GEN1: variants seen among roughly 807,000 people sequenced by gnomAD.
The protein encoded by GEN1 is flap endonuclease GEN homolog 1.
GEN1 carries 64 observed loss-of-function variants against 67.6 expected under a neutral mutation model. That is an observed-to-expected ratio of 0.95 (90% CI 0.77 to 1.17). The LOEUF (loss-of-function observed/expected upper bound fraction) is 1.17, where lower values mean the gene tolerates loss of function less well. GEN1 is among the 50% of genes most tolerant of loss of function. The probability of loss-of-function intolerance (pLI) is 0.00; values close to 1 mark genes in which losing one functional copy is unlikely to be tolerated. For missense variants in GEN1, 1,058 were observed against 1,048.3 expected, an observed-to-expected ratio of 1.01 and a Z score of -0.13; for synonymous variants, 371 against 359.4, an observed-to-expected ratio of 1.03 and a Z score of -0.37.
At chr2:17,759,675 ATGATT>A (rs1043278422) in intron 1 of GEN1, among the ~76,000 whole-genome samples, 2 of 152,114 alleles carry the variant, frequency 1.3e-5, no homozygotes, top group Non-Finnish European at 2.9e-5. Flanking sequence ...GTAGACAAAA[ATGATT>A]TACAGCATCC....
At position 17,773,080 on chromosome 2, in the gene GEN1, A is replaced by G. The variant is rs1043024223; in HGVS notation, c.954-16A>G. ...GTCTGATTATAGTAATAACATGTAT[A>G]TAATTTTTTTTTCAGGAAAGCTTGC... is the stretch of plus-strand genomic sequence containing the variant. On this transcript the variant is annotated splice_polypyrimidine_tract_variant and intron_variant, in intron 8 of 13. Transcript: ENST00000381254. The G allele has an allele frequency of 1.3e-6, 2 of 1,522,504 alleles. No individual in the cohort carries two copies. The highest frequency in any genetic ancestry group is 1.8e-6 in the Non-Finnish European group (2 of 1,100,836). 94.3% of individuals were successfully genotyped at this position (1,522,504 alleles called of 1,614,324 possible). A position where few individuals can be genotyped will look rare whatever the true frequency, so the allele number is the denominator to read the frequency against.
rs7556983 is a variant in GEN1 at position 17,773,988 on chromosome 2, G to A, written c.1072-283G>A. 0.18 allele frequency among the ~76,000 whole-genome samples: 26,940 copies of A among 151,970 alleles called. 3,385 individuals are homozygous for A. Among genetic ancestry groups the A allele is most frequent in the African/African-American group, 0.37 (15,134 of 41,414 alleles). On this transcript the variant is annotated intron_variant, in intron 10 of 13. Transcript: ENST00000381254. ...ATCTTTGTAATCTGTGAAGTGGGTT[G>A]TAATATTTTCACATTACAGATGGTA...
At position 17,782,936 on chromosome 2, in the gene GEN1, G is replaced by A. The variant is rs1429499076; in HGVS notation, c.*997G>A. 6.6e-6 allele frequency: 1 copy of A among 152,174 alleles called. No individual in the cohort carries two copies. The highest frequency in any genetic ancestry group is 1.9e-4 in the East Asian group (1 of 5,202). The allele number at this position is 152,174 out of a possible 1,614,324, so 9.4% of individuals were successfully genotyped here. A position where few individuals can be genotyped will look rare whatever the true frequency, so the allele number is the denominator to read the frequency against. On this transcript the variant is annotated 3_prime_UTR_variant, in exon 14 of 14. Coordinates refer to ENST00000381254, the MANE Select transcript of GEN1 (RefSeq NM_001130009.3). Reference sequence around the variant, plus strand: ...GAAAAGGAAAATGGTGTCTGCAGATGACAAGATTGTATGCATCAAAAATTC... The same window carrying A: ...GAAAAGGAAAATGGTGTCTGCAGATAACAAGATTGTATGCATCAAAAATTC...
intron 8 of GEN1, 86 bp from the exon 9 acceptor site, chr2:17,773,009 AT>A (rs1672265822): frequency 2.2e-6 from 2 of 911,128 alleles, no homozygotes; most frequent in Admixed American, 4.5e-5. Context: ...CACATTTCTT[AT>A]TAAATGGGAG....
chr2:17,756,006 A>G (rs1671417950), intron 1 of GEN1, among the ~76,000 whole-genome samples: 1 of 152,192 alleles, frequency 6.6e-6, no homozygotes, highest in Admixed American at 6.5e-5. Context: ...TTTCTATTAT[A>G]CCAAGCAATA....
upstream of GEN1, chr2:17,753,773 G>C (rs990484790): frequency 1.3e-5 from 2 of 152,274 alleles, no homozygotes; most frequent in African/African-American, 2.4e-5. Flanking sequence ...GGAGAAGGTA[G>C]ATTCCCGGGA....
rs764420576 is a variant in GEN1, at chr2:17,781,214, T to A, written c.2002T>A (p.Cys668Ser). Residue 668 changes from cysteine (C) to serine (S), a missense_variant, in exon 14 of 14, where the codon TGT (cysteine) becomes AGT (serine). By Grantham distance (112) the Cys-to-Ser change is moderately radical (BLOSUM62 -1). Coordinates refer to ENST00000381254, the MANE Select transcript of GEN1 (RefSeq NM_001130009.3). ...TCTACTTTCTGGCATTACTGATTTATGTCTTCAGGATTTGCCTTTAAAGGA... is the reference window on the plus strand; with the variant it reads ...TCTACTTTCTGGCATTACTGATTTAAGTCTTCAGGATTTGCCTTTAAAGGA... ...EHLLSGITDL[C>S]LQDLPLKERI... 4 of 1,613,646 alleles carry A rather than the reference T, an allele frequency of 2.5e-6. No homozygotes were observed. In the South Asian group the frequency reaches 4.4e-5, roughly 18 times the overall value.
intron 2 of GEN1, among the ~76,000 whole-genome samples, chr2:17,760,879 A>C (rs1671642381): frequency 6.7e-6 from 1 of 149,918 alleles, no homozygotes; most frequent in African/African-American, 2.5e-5. Context: ...CCGAGATCAC[A>C]CCACTGCACT....
rs1672788934 is a variant in GEN1, at chr2:17,780,796, CT to C, written c.1586del (p.Leu529CysfsTer10). On this transcript the variant is annotated frameshift_variant, in exon 14 of 14. Transcript: ENST00000381254. LOFTEE classifies it low-confidence loss of function (END_TRUNC). ...AATCTATTTCTGCCTCATTGAATAG[CT>C]TGCTTTTACCTAAAAATACTCCATG... ...QESISASLNSLLLPKNTPCLN... is the reference protein window; with the variant it reads ...QESISASLNSXLLPKNTPCLN... The C allele has an allele frequency of 6.2e-7, 1 of 1,613,828 alleles. No individual in the cohort carries two copies. Among genetic ancestry groups the C allele is most frequent in the African/African-American group, 1.3e-5 (1 of 74,932 alleles).
At chr2:17,773,373 T>A (rs1309749779) in intron 10 of GEN1, 74 bp downstream of exon 10, 1 of 919,332 alleles carries the variant, frequency 1.1e-6, no homozygotes, top group African/African-American at 1.7e-5. Context: ...TTCACTCTGA[T>A]TGGTCTTAGA....
chr2:17,754,953 A>G (rs1390786343), intron 1 of GEN1: 2 of 152,206 alleles, frequency 1.3e-5, no homozygotes, highest in Non-Finnish European at 2.9e-5. Flanking sequence ...TGACCTAACA[A>G]GTAACCTACT....
chr2:17,773,491 G>C (rs1369273690), intron 10 of GEN1, among the ~76,000 whole-genome samples, 192 bp downstream of exon 10: 3 of 152,022 alleles, frequency 2.0e-5, no homozygotes, highest in African/African-American at 7.2e-5. Context: ...ACAAAGTATA[G>C]TTATGCTGTT....
chr2:17,758,011 G>T (rs956793939), intron 1 of GEN1, among the ~76,000 whole-genome samples: 1 of 151,990 alleles, frequency 6.6e-6, no homozygotes, highest in Non-Finnish European at 1.5e-5. Flanking sequence ...TTAAAAGTTG[G>T]GTCAGTTTTT....
intron 4 of GEN1, among the ~76,000 whole-genome samples, chr2:17,765,555 G>A (rs1190709348): frequency 1.3e-5 from 2 of 152,180 alleles, no homozygotes; most frequent in African/African-American, 4.8e-5. Flanking sequence ...GAGACATTTT[G>A]GTTGCAACAG....
Position 17,778,320 on chromosome 2 carries a change from ACACGTG to A in GEN1, c.1264+258_1264+263del, listed in dbSNP as rs1558409339. 3.8e-4 allele frequency among the ~76,000 whole-genome samples: 17 copies of A among 44,394 alleles called. 2 individuals carry two copies. The highest frequency in any genetic ancestry group is 1.1e-3 in the African/African-American group (16 of 14,064). The allele number at this position is 44,394 out of a possible 152,430, so 29.1% of individuals were successfully genotyped here. ...TGTGTACATATATGTATATACACAC[ACACGTG>A]TACATATATGTATACACACACATGT... is the stretch of plus-strand genomic sequence containing the variant. On this transcript the variant is annotated intron_variant, in intron 12 of 13. Coordinates refer to ENST00000381254, the MANE Select transcript of GEN1 (RefSeq NM_001130009.3).
At chr2:17,772,116 C>T (rs1037464884) in intron 7 of GEN1, among the ~76,000 whole-genome samples, 1 of 151,912 alleles carries the variant, frequency 6.6e-6, no homozygotes, top group Non-Finnish European at 1.5e-5. Flanking sequence ...ATTTCCACAC[C>T]CGTGCCACAG....
chr2:17,762,506 C>CT (rs918924882), intron 3 of GEN1, among the ~76,000 whole-genome samples: 2 of 151,948 alleles, frequency 1.3e-5, no homozygotes, highest in African/African-American at 4.8e-5. Flanking sequence ...TGTGCCTGGC[C>CT]TTTTTTGTCT....
chr2:17,781,064 C>T lies in GEN1; in HGVS notation c.1852C>T (p.Leu618=). The T allele has an allele frequency of 2.5e-6, 4 of 1,613,572 alleles. No homozygotes were observed. Among genetic ancestry groups the T allele is most frequent in the Non-Finnish European group, 3.4e-6 (4 of 1,179,548 alleles). The change falls in exon 14 of 14, where the codon CTA becomes TTA. Residue 618 remains leucine, a synonymous_variant. Transcript: ENST00000381254. ...HDLKSEVESE[L]SAIPDGFENI... ...TTTAAAATCAGAAGTTGAATCAGAG[C>T]TATCAGCCATCCCTGATGGCTTTGA...
intron 12 of GEN1, among the ~76,000 whole-genome samples, chr2:17,779,604 G>T (rs1266387258): frequency 6.6e-6 from 1 of 151,478 alleles, no homozygotes; most frequent in Non-Finnish European, 1.5e-5. Context: ...TGGAAAGATT[G>T]ATTTTTTTTT....
Sources: gnomAD v4.1 joint callset for allele counts (sites outside exome capture counted in the v4.1 genomes callset) on GRCh38, gnomAD v4.1.1 for gene constraint, MANE v1.5 for transcripts, NCBI Gene and HGNC (gene_info 2026-07-23, HGNC 2026-07-21) for gene names.